The following CRYBG3 variants were observed in gnomAD, a reference collection of about 807,000 sequenced individuals.
The protein encoded by CRYBG3 is very large A-kinase anchor protein.
In CRYBG3, 127 loss-of-function variants were observed where a neutral mutation model predicts 244.2. The observed-to-expected ratio is 0.52, with a 90% CI of 0.45 to 0.60. The LOEUF is 0.60. Among genes scored for constraint, CRYBG3 ranks in the 20% least tolerant of loss-of-function variants. CRYBG3 has a pLI of 0.00. For synonymous variants in CRYBG3, 1,132 were observed against 1,195.8 expected (o/e 0.95, Z 1.10); for missense variants, 3,325 against 3,442.5 (o/e 0.97, Z 0.85).
chr3:97,841,334 A>T (rs1007669543), intron 1 of CRYBG3, among the ~76,000 whole-genome samples: 1 of 150,708 alleles, frequency 6.6e-6, no homozygotes, highest in Non-Finnish European at 1.5e-5. Flanking sequence ...ATATATATGT[A>T]TATATGCATA....
chr3:97,942,159 T>C (rs1236131386), intron 20 of CRYBG3, 125 bp from the exon 21 acceptor site: 1 of 729,490 alleles, frequency 1.4e-6, no homozygotes, highest in African/African-American at 1.8e-5. Context: ...CTATATAGTA[T>C]TTTTTTAGAT....
chr3:97,942,195 T>C, intron 20 of CRYBG3, 89 bp from the exon 21 acceptor site: 2 of 1,161,760 alleles, frequency 1.7e-6, no homozygotes, highest in Non-Finnish European at 2.4e-6. Flanking sequence ...TTCATGTCTA[T>C]GACTTGTTTA....
Position 97,874,034 on chromosome 3 carries a change from T to C in CRYBG3, c.2840T>C (p.Ile947Thr). The change falls in exon 4 of 22, where the codon ATT becomes ACT. Residue 947 changes from isoleucine (I) to threonine (T), a missense_variant. Around this residue, in one of 4 missense-constraint regions of CRYBG3, gnomAD observed 1,526 missense variants for 1,443.2 expected, o/e 1.06. Transcript: ENST00000389622. ...AATATATCTTGGATTTTACCACCTATTCATGATGAAAAAATCAGTAGGCAA... is the reference window on the plus strand; with the variant it reads ...AATATATCTTGGATTTTACCACCTACTCATGATGAAAAAATCAGTAGGCAA... ...KSNISWILPPIHDEKISRQMA... is the reference protein window; with the variant it reads ...KSNISWILPPTHDEKISRQMA... The C allele has an allele frequency of 6.5e-7, 1 of 1,535,822 alleles. No individual in the cohort carries two copies. The highest frequency in any genetic ancestry group is 1.2e-5 in the South Asian group (1 of 83,974).
chr3:97,847,920 C>T (rs1200641412), intron 2 of CRYBG3, among the ~76,000 whole-genome samples: 1 of 152,158 alleles, frequency 6.6e-6, no homozygotes, highest in Non-Finnish European at 1.5e-5. Flanking sequence ...ACCCTTATTT[C>T]TAATAAGTAA....
At chr3:97,871,053 A>T (rs1158773501) in intron 3 of CRYBG3, among the ~76,000 whole-genome samples, 3 of 152,154 alleles carry the variant, frequency 2.0e-5, no homozygotes, top group Non-Finnish European at 4.4e-5. Flanking sequence ...GCAGAGAATG[A>T]TGTGTGTAAT....
intron 15 of CRYBG3, among the ~76,000 whole-genome samples, chr3:97,904,804 T>C (rs1439695551): frequency 6.6e-6 from 1 of 151,684 alleles, no homozygotes; most frequent in African/African-American, 2.4e-5. Context: ...TAGTTACATA[T>C]GTATACATGT....
At chr3:97,849,018 C>T (rs1483629892) in intron 2 of CRYBG3, among the ~76,000 whole-genome samples, 1 of 152,182 alleles carries the variant, frequency 6.6e-6, no homozygotes, top group Non-Finnish European at 1.5e-5. Context: ...AGAACACAGT[C>T]TTTGTAACCA....
intron 15 of CRYBG3, 23 bp from the exon 16 acceptor site, chr3:97,912,144 C>T (rs1312891925): frequency 1.5e-6 from 2 of 1,299,380 alleles, no homozygotes; most frequent in Non-Finnish European, 2.2e-6. Flanking sequence ...TTCTATTTAA[C>T]TGTTGTGTTG....
chr3:97,874,514 C>A lies in CRYBG3; in HGVS notation c.3320C>A (p.Thr1107Asn). 4 of 1,534,884 alleles carry A rather than the reference C, an allele frequency of 2.6e-6. No homozygotes were observed. The highest frequency in any genetic ancestry group is 2.6e-6 in the Non-Finnish European group (3 of 1,146,384). Residue 1107 changes from threonine to asparagine, a missense_variant, in exon 4 of 22, where the codon ACC becomes AAC. Around this residue, in one of 4 missense-constraint regions of CRYBG3, gnomAD observed 1,526 missense variants for 1,443.2 expected, o/e 1.06. Coordinates refer to ENST00000389622, the MANE Select transcript of CRYBG3 (RefSeq NM_153605.4). ...TSVTNLLYPT[T>N]SYLEFETSVS... is the part of the protein sequence containing the mutation. The stretch of plus-strand genomic sequence containing the variant: ...GTAACTAACCTGTTGTACCCTACTA[C>A]CTCTTATTTGGAATTTGAAACGTCT...
intron 8 of CRYBG3, 37 bp from the exon 9 acceptor site, chr3:97,888,304 A>G (rs778686398): frequency 8.0e-7 from 1 of 1,244,148 alleles, no homozygotes; most frequent in South Asian, 1.3e-5. Flanking sequence ...CTAAAGCAGT[A>G]CTATTATACT....
chr3:97,936,164 T>TGG (rs902131867), intron 18 of CRYBG3, among the ~76,000 whole-genome samples: 6 of 152,230 alleles, frequency 3.9e-5, no homozygotes, highest in African/African-American at 1.4e-4. Flanking sequence ...CTTAAAGCAA[T>TGG]GGGCATGACT....
At chr3:97,830,714 G>A (rs750167455) in intron 1 of CRYBG3, among the ~76,000 whole-genome samples, 1 of 152,064 alleles carries the variant, frequency 6.6e-6, no homozygotes, top group Non-Finnish European at 1.5e-5. Flanking sequence ...ACCTATTTTT[G>A]TGATTCATTT....
intron 2 of CRYBG3, among the ~76,000 whole-genome samples, chr3:97,855,039 G>C (rs903732525): frequency 3.3e-5 from 5 of 151,986 alleles, no homozygotes; most frequent in Non-Finnish European, 7.4e-5. Flanking sequence ...ATACCTATTT[G>C]TTGAGAGTTT....
At chr3:97,899,068 A>G (rs1212149203) in intron 13 of CRYBG3, 43 bp downstream of exon 13, 10 of 1,598,552 alleles carry the variant, frequency 6.3e-6, no homozygotes, top group Non-Finnish European at 8.5e-6. Flanking sequence ...TTTGGTGTTT[A>G]AGATTGTTGT....
intron 1 of CRYBG3, among the ~76,000 whole-genome samples, chr3:97,830,644 C>T (rs1046272975): frequency 6.6e-6 from 1 of 152,128 alleles, no homozygotes; most frequent in Non-Finnish European, 1.5e-5. Context: ...AGACATTTCT[C>T]TATTAGTCTT....
In CRYBG3 at chr3:97,875,042, T is replaced by G; in HGVS notation, c.3848T>G (p.Val1283Gly). ...VKEKPCVSPT[V>G]GEKNLLVDPN... is the part of the protein sequence containing the mutation. ...GAGAAGCCCTGTGTTTCACCAACAG[T>G]TGGTGAGAAGAATCTTCTTGTTGAT... Residue 1283 changes from valine (V) to glycine (G), a missense_variant, in exon 4 of 22, where the codon GTT becomes GGT. Transcript: ENST00000389622. The G allele has an allele frequency of 6.5e-7, 1 of 1,534,746 alleles. No homozygotes were observed. The highest frequency in any genetic ancestry group is 1.2e-5 in the South Asian group (1 of 83,746).
chr3:97,909,293 C>T lies in CRYBG3; in HGVS notation c.8005-2874C>T, dbSNP rs1302318668. Among the ~76,000 whole-genome samples, 108 of 147,176 alleles carry T rather than the reference C, an allele frequency of 7.3e-4. 2 individuals carry two copies. In the East Asian group the frequency reaches 0.021, roughly 28 times the overall value. The stretch of plus-strand genomic sequence containing the variant: ...GTATTTCCTGAATCTGAACGTTGGC[C>T]TGCCTTGCTAGATTGGGGAAGTTCT... On this transcript the variant is annotated intron_variant, in intron 15 of 21. Coordinates refer to ENST00000389622, the MANE Select transcript of CRYBG3 (RefSeq NM_153605.4).
rs550753362 is a variant in CRYBG3, at chr3:97,928,536, A to G, written c.8242-5158A>G. On this transcript the variant is annotated intron_variant, in intron 17 of 21. Transcript: ENST00000389622. ...ATTTATCCATGTAACAACCCTGCAT[A>G]TATACCCCAGAACAGAAAATAAAAG... Among the ~76,000 whole-genome samples the G allele has an allele frequency of 3.9e-5, 6 of 152,056 alleles. No homozygotes were observed. In the South Asian group the frequency reaches 1.0e-3, roughly 26 times the overall value.
chr3:97,858,753 C>T (rs1378198140), intron 2 of CRYBG3, among the ~76,000 whole-genome samples: 5 of 151,908 alleles, frequency 3.3e-5, no homozygotes, highest in African/African-American at 1.2e-4. Context: ...TGTATTTTTT[C>T]GTATCTTGCT....
Sources: gnomAD v4.1 joint callset for allele counts (sites outside exome capture counted in the v4.1 genomes callset) on GRCh38, gnomAD v4.1.1 for gene constraint, gnomAD v4.1.1 regional missense constraint, MANE v1.5 for transcripts, NCBI Gene and HGNC (gene_info 2026-07-23, HGNC 2026-07-21) for gene names.